DSC2: variants seen among roughly 807,000 people sequenced by gnomAD.
DSC2 encodes desmocollin 2, also known as desmocollin-2.
In DSC2, 51 loss-of-function variants were observed where a neutral mutation model predicts 87.6. The ratio of observed to expected loss-of-function variants is 0.58; its 90% CI spans 0.46 to 0.74. The LOEUF is 0.74. Ranked by LOEUF, DSC2 falls within the 30% of genes least tolerant of loss-of-function variation. The probability of loss-of-function intolerance (pLI) is 0.00; values close to 1 mark genes in which losing one functional copy is unlikely to be tolerated. For synonymous variants in DSC2, 383 were observed against 393.2 expected (o/e 0.97, Z 0.31); for missense variants, 1,066 against 1,089.5 (o/e 0.98, Z 0.30).
chr18:31,086,117 G>A (rs1474626902), intron 7 of DSC2, among the ~76,000 whole-genome samples: 2 of 152,058 alleles, frequency 1.3e-5, no homozygotes, highest in Non-Finnish European at 2.9e-5. Flanking sequence ...AAGAAGACAA[G>A]TTAAATTTTA....
rs1986528598 is a variant in DSC2 at position 31,062,919 on chromosome 18, A to G, written c.*5096T>C. On this transcript the variant is annotated 3_prime_UTR_variant, in exon 16 of 16. Transcript: ENST00000280904. ...AACAATTCAGTGCAGAATCTAACAT[A>G]CACCATGTCTATCATGTAAAATTTA... is the stretch of plus-strand genomic sequence containing the variant. 1 of 152,226 alleles carries G rather than the reference A, an allele frequency of 6.6e-6. No homozygotes were observed. Among genetic ancestry groups the G allele is most frequent in the Non-Finnish European group, 1.5e-5 (1 of 68,048 alleles). The allele number at this position is 152,226 out of a possible 1,614,324, so 9.4% of individuals were successfully genotyped here. A position where few individuals can be genotyped will look rare whatever the true frequency, so the allele number is the denominator to read the frequency against.
chr18:31,093,346 T>C (rs1190375574), intron 2 of DSC2, among the ~76,000 whole-genome samples: 2 of 152,220 alleles, frequency 1.3e-5, no homozygotes, highest in Non-Finnish European at 2.9e-5. Flanking sequence ...TGTGCCTACA[T>C]GTTCACATTG....
intron 7 of DSC2, among the ~76,000 whole-genome samples, chr18:31,083,535 T>A (rs532246332): frequency 3.0e-4 from 45 of 152,114 alleles, no homozygotes; most frequent in African/African-American, 1.0e-3. Flanking sequence ...CTAGCCAAAG[T>A]ACATTCTTAT....
At chr18:31,100,048 C>T (rs1987886133) in intron 1 of DSC2, among the ~76,000 whole-genome samples, 1 of 152,162 alleles carries the variant, frequency 6.6e-6, no homozygotes, top group African/African-American at 2.4e-5. Context: ...ATCATTCTTA[C>T]TTAATAATTT....
In DSC2 at chr18:31,059,651, G is replaced by A. The variant is rs1280659729; in HGVS notation, c.*8364C>T. ...ATGCTTGTGGTAAAATGAAAACATG[G>A]AAACACACAATGAATAAATATTTCA... On this transcript the variant is annotated 3_prime_UTR_variant, in exon 16 of 16. Coordinates refer to ENST00000280904, the MANE Select transcript of DSC2 (RefSeq NM_024422.6). 1 of 151,998 alleles carries A rather than the reference G, an allele frequency of 6.6e-6. No homozygotes were observed. The highest frequency in any genetic ancestry group is 2.4e-5 in the African/African-American group (1 of 41,402). The allele number at this position is 151,998 out of a possible 1,614,324, so 9.4% of individuals were successfully genotyped here.
In DSC2 at chr18:31,082,976, T is replaced by C. The variant is rs1409325550; in HGVS notation, c.1027A>G (p.Ile343Val). ...TGGTCATTTACATCATCAATGTTAATGATACAAGTTGAAGTTGTCTGTAGA... is the reference window on the plus strand; with the variant it reads ...TGGTCATTTACATCATCAATGTTAACGATACAAGTTGAAGTTGTCTGTAGA... ...FGLQTTSTCI[I>V]NIDDVNDHLP... is the part of the protein sequence containing the mutation. Residue 343 changes from isoleucine to valine, a missense_variant, in exon 8 of 16, where the codon ATT becomes GTT. Coordinates refer to ENST00000280904, the MANE Select transcript of DSC2 (RefSeq NM_024422.6). 2.5e-6 allele frequency: 4 copies of C among 1,613,530 alleles called. No individual in the cohort carries two copies. The highest frequency in any genetic ancestry group is 3.4e-6 in the Non-Finnish European group (4 of 1,179,916).
intron 3 of DSC2, 139 bp downstream of exon 3, chr18:31,091,962 A>T: frequency 1.3e-6 from 1 of 791,976 alleles, no homozygotes; most frequent in Non-Finnish European, 2.0e-6. Flanking sequence ...CCTTCTAAAC[A>T]CTGTGAAGTT....
chr18:31,068,906 G>A lies in DSC2; in HGVS notation c.2496C>T (p.Pro832=). 6.2e-7 allele frequency: 1 copy of A among 1,613,420 alleles called. No individual in the cohort carries two copies. Among genetic ancestry groups the A allele is most frequent in the Non-Finnish European group, 8.5e-7 (1 of 1,179,992 alleles). The change falls in exon 15 of 16, where the codon CCC becomes CCT. Residue 832 remains proline, a synonymous_variant. Transcript: ENST00000280904. ...TAGGAAAACTCACTTCACCAAGACG[G>A]GGCTGAGTAAAACTGTGCCACTCCG... is the stretch of plus-strand genomic sequence containing the variant. ...TYSEWHSFTQ[P]RLGEKVYLCN... is the part of the protein sequence containing the mutation.
At chr18:31,083,137 A>AT in intron 7 of DSC2, 77 bp from the exon 8 acceptor site, 5 of 1,517,850 alleles carry the variant, frequency 3.3e-6, no homozygotes, top group Non-Finnish European at 4.5e-6. Flanking sequence ...ACACTCCATA[A>AT]TTTTTTTGCA....
Position 31,071,728 on chromosome 18 carries a change from G to A in DSC2, c.2002C>T (p.Leu668=). The change falls in exon 13 of 16, where the codon CTG becomes TTG. Residue 668 remains leucine (L), a synonymous_variant. Transcript: ENST00000280904. ...TCATTTTCGGTAATGCAGTCACACA[G>A]TGTAACATCCAATGAAGTGACACTA... The part of the protein sequence containing the change: ...MSSVTSLDVT[L]CDCITENDCT... 1 of 1,613,984 alleles carries A rather than the reference G, an allele frequency of 6.2e-7. No individual in the cohort carries two copies. Among genetic ancestry groups the A allele is most frequent in the Non-Finnish European group, 8.5e-7 (1 of 1,179,970 alleles).
intron 13 of DSC2, among the ~76,000 whole-genome samples, chr18:31,071,378 T>C (rs1449245614): frequency 6.6e-6 from 1 of 151,996 alleles, no homozygotes; most frequent in Non-Finnish European, 1.5e-5. Flanking sequence ...GAAATCCATC[T>C]CTACTAAAAG....
In DSC2 at chr18:31,082,041, T is replaced by A. The variant is rs561028259; in HGVS notation, c.1263+197A>T. ...TAGATATTGTATTATATGGACTTTT[T>A]AAAAAAAAAAATACCTAAACAAAAG... On this transcript the variant is annotated intron_variant, in intron 9 of 15. Coordinates refer to ENST00000280904, the MANE Select transcript of DSC2 (RefSeq NM_024422.6). 7.3e-3 allele frequency among the ~76,000 whole-genome samples: 1,074 copies of A among 147,946 alleles called. 5 individuals are homozygous for A. The highest frequency in any genetic ancestry group is 0.021 in the Middle Eastern group (6 of 288).
intron 3 of DSC2, 130 bp downstream of exon 3, chr18:31,091,971 T>C (rs931310888): frequency 6.9e-6 from 6 of 864,934 alleles, no homozygotes; most frequent in Non-Finnish European, 1.1e-5. Flanking sequence ...CACTGTGAAG[T>C]TGCCTCATGG....
At chr18:31,078,134 G>C (rs988597346) in intron 11 of DSC2, among the ~76,000 whole-genome samples, 1 of 152,188 alleles carries the variant, frequency 6.6e-6, no homozygotes, top group Admixed American at 6.5e-5. Flanking sequence ...ATCCATGAGG[G>C]AGGAGAGGTT....
Position 31,068,816 on chromosome 18 carries a change from A to G in DSC2, c.2508+78T>C, listed in dbSNP as rs539186103. The G allele has an allele frequency of 2.9e-5, 45 of 1,540,832 alleles. No homozygotes were observed. In the Admixed American group the frequency reaches 4.7e-4, roughly 16 times the overall value. Reference sequence around the variant, plus strand: ...GTAGATTCATAATTAATTGAAAATTATAGTCAGAATCCAGTTAGTTATTTA... The same window carrying G: ...GTAGATTCATAATTAATTGAAAATTGTAGTCAGAATCCAGTTAGTTATTTA... On this transcript the variant is annotated intron_variant, in intron 15 of 15. Coordinates refer to ENST00000280904, the MANE Select transcript of DSC2 (RefSeq NM_024422.6).
rs1305818715 is a variant in DSC2 at position 31,061,362 on chromosome 18, AG to A, written c.*6652del. 6.6e-6 allele frequency: 1 copy of A among 152,248 alleles called. No individual in the cohort carries two copies. Among genetic ancestry groups the A allele is most frequent in the Non-Finnish European group, 1.5e-5 (1 of 68,056 alleles). 9.4% of individuals were successfully genotyped at this position (152,248 alleles called of 1,614,324 possible). ...GCCCAGATTTTCTGTAGGGATACAAAGGTACAGTCACAAAGGGAAGAGAGAA... is the reference window on the plus strand; with the variant it reads ...GCCCAGATTTTCTGTAGGGATACAAAGTACAGTCACAAAGGGAAGAGAGAA... On this transcript the variant is annotated 3_prime_UTR_variant, in exon 16 of 16. Transcript: ENST00000280904.
In DSC2 at chr18:31,064,091, T is replaced by C. The variant is rs1006500511; in HGVS notation, c.*3924A>G. On this transcript the variant is annotated 3_prime_UTR_variant, in exon 16 of 16. Transcript: ENST00000280904. ...AAGTGAAGAGTGGGAACAGCTGACA[T>C]AGGGTACACCTCAACCTCATGAATG... The C allele has an allele frequency of 1.3e-5, 2 of 152,228 alleles. No individual in the cohort carries two copies. The highest frequency in any genetic ancestry group is 2.4e-5 in the African/African-American group (1 of 41,420). 9.4% of individuals were successfully genotyped at this position (152,228 alleles called of 1,614,324 possible).
intron 11 of DSC2, among the ~76,000 whole-genome samples, chr18:31,076,362 A>G (rs1987017821): frequency 1.3e-5 from 2 of 152,318 alleles, no homozygotes; most frequent in South Asian, 4.1e-4. Context: ...GCAAAGTGGG[A>G]GAGAGGGAAA....
chr18:31,068,305 T>G (rs1224251275), intron 15 of DSC2, 93 bp from the exon 16 acceptor site: 3 of 1,613,596 alleles, frequency 1.9e-6, no homozygotes, highest in Admixed American at 1.7e-5. Context: ...TTACCTTTCA[T>G]TGTTTAATTT....
Sources: gnomAD v4.1 joint callset for allele counts (sites outside exome capture counted in the v4.1 genomes callset) on GRCh38, gnomAD v4.1.1 for gene constraint, MANE v1.5 for transcripts, NCBI Gene and HGNC (gene_info 2026-07-23, HGNC 2026-07-21) for gene names.